HRH1: variants seen among roughly 807,000 people sequenced by gnomAD.
HRH1 encodes histamine receptor H1, also known as histamine H1 receptor.
In HRH1, 6 loss-of-function variants were observed where a neutral mutation model predicts 10.3. That is an observed-to-expected ratio of 0.58 (90% CI 0.32 to 1.15). The LOEUF is 1.15. Ranked by LOEUF, HRH1 falls within the 50% of genes most tolerant of loss-of-function variation. The pLI is 0.05. For missense variants in HRH1, 514 were observed against 615.3 expected (o/e 0.84, Z 1.74); for synonymous variants, 242 against 236.7 (o/e 1.02, Z -0.21).
At chr3:11,179,619 C>CA (rs573336817) in intron 1 of HRH1, among the ~76,000 whole-genome samples, 6,083 of 109,236 alleles carry the variant, frequency 0.056, 226 homozygotes, top group African/African-American at 0.13. Flanking sequence ...GACTCTGTCT[C>CA]AAAAAAAAAA....
intron 1 of HRH1, among the ~76,000 whole-genome samples, chr3:11,148,732 C>T (rs1412089032): frequency 6.6e-6 from 1 of 151,852 alleles, no homozygotes; most frequent in African/African-American, 2.4e-5. Flanking sequence ...GTGGCTGCAC[C>T]TTGCTACAAG....
chr3:11,184,810 G>C (rs1015236175), intron 1 of HRH1, among the ~76,000 whole-genome samples: 3 of 151,716 alleles, frequency 2.0e-5, no homozygotes, highest in Non-Finnish European at 4.4e-5. Flanking sequence ...CCAGCTATTT[G>C]GGAGGCTGAG....
At chr3:11,218,144 T>A (rs960730214) in intron 1 of HRH1, among the ~76,000 whole-genome samples, 3 of 152,154 alleles carry the variant, frequency 2.0e-5, no homozygotes, top group African/African-American at 4.8e-5. Flanking sequence ...TATGTACATT[T>A]GAGTAAGAAA....
At chr3:11,250,914 G>A (rs1312560775) in intron 1 of HRH1, among the ~76,000 whole-genome samples, 1 of 152,102 alleles carries the variant, frequency 6.6e-6, no homozygotes, top group African/African-American at 2.4e-5. Flanking sequence ...AAATTCCTAC[G>A]CATCCATAAA....
At chr3:11,219,507 T>A (rs1471525659) in intron 1 of HRH1, among the ~76,000 whole-genome samples, 3 of 149,326 alleles carry the variant, frequency 2.0e-5, no homozygotes, top group Non-Finnish European at 4.5e-5. Context: ...AGGTCAGGAG[T>A]TCAAAACCAG....
chr3:11,260,153 CA>C lies in HRH1; in HGVS notation c.1119del (p.Gly374AlafsTer3), dbSNP rs1559289575. ...ATACCACCACAGAGACAGCACCAGGCAAAGGCAAATTGAGGAGTGGGTCTAA... is the reference window on the plus strand; with the variant it reads ...ATACCACCACAGAGACAGCACCAGGCAAGGCAAATTGAGGAGTGGGTCTAA... ...SDTTTETAPGKGKLRSGSNTG... is the reference protein window; with the variant it reads ...SDTTTETAPGXGKLRSGSNTG... On this transcript the variant is annotated frameshift_variant, in exon 2 of 2. Coordinates refer to ENST00000431010, the MANE Select transcript of HRH1 (RefSeq NM_001098212.2). LOFTEE classifies it high-confidence loss of function. 1 of 1,613,926 alleles carries C rather than the reference CA, an allele frequency of 6.2e-7. No homozygotes were observed. The highest frequency in any genetic ancestry group is 8.5e-7 in the Non-Finnish European group (1 of 1,180,010).
chr3:11,207,399 CT>C (rs1370024545), intron 1 of HRH1, among the ~76,000 whole-genome samples: 30 of 151,794 alleles, frequency 2.0e-4, no homozygotes, highest in African/African-American at 7.0e-4. Flanking sequence ...CCCGTCTCTA[CT>C]TAAAAAAAAA....
chr3:11,156,122 T>C (rs1936784924), intron 1 of HRH1, among the ~76,000 whole-genome samples: 1 of 152,218 alleles, frequency 6.6e-6, no homozygotes, highest in Non-Finnish European at 1.5e-5. Context: ...GGTCCACTGC[T>C]CACAGGAATC....
chr3:11,173,657 A>T (rs933176473), intron 1 of HRH1, among the ~76,000 whole-genome samples: 11 of 152,166 alleles, frequency 7.2e-5, no homozygotes, highest in African/African-American at 2.7e-4. Context: ...TTACTCTTAA[A>T]GGCTCTGAGA....
At chr3:11,156,316 G>A (rs1483740149) in intron 1 of HRH1, among the ~76,000 whole-genome samples, 1 of 152,150 alleles carries the variant, frequency 6.6e-6, no homozygotes, top group Non-Finnish European at 1.5e-5. Flanking sequence ...GGTGGAGGCC[G>A]GAGCAGCCTG....
intron 1 of HRH1, among the ~76,000 whole-genome samples, chr3:11,208,115 T>C (rs1575012981): frequency 6.6e-6 from 1 of 152,060 alleles, no homozygotes; most frequent in African/African-American, 2.4e-5. Context: ...TCCTCAACAC[T>C]TTTCTTTAAA....
rs148459768 is a variant in HRH1, at chr3:11,137,869, C to G, written c.-36+470C>G. Among the ~76,000 whole-genome samples the G allele has an allele frequency of 2.1e-3, 316 of 152,052 alleles. 1 individual carries two copies. Among genetic ancestry groups the G allele is most frequent in the African/African-American group, 7.1e-3 (296 of 41,450 alleles). ...TTCTTTTGTTATGGCGGGAGAGTATCTGGTGCTCTGGCTGAGGAACTAAGG... is the reference window on the plus strand; with the variant it reads ...TTCTTTTGTTATGGCGGGAGAGTATGTGGTGCTCTGGCTGAGGAACTAAGG... On this transcript the variant is annotated intron_variant, in intron 1 of 1. Coordinates refer to the HRH1 transcript ENST00000438284.
intron 1 of HRH1, among the ~76,000 whole-genome samples, chr3:11,254,911 C>T (rs771931385): frequency 1.4e-4 from 21 of 152,184 alleles, no homozygotes; most frequent in Non-Finnish European, 1.8e-4. Flanking sequence ...GTGTCCTTTC[C>T]GCATTGGCTG....
upstream of HRH1, among the ~76,000 whole-genome samples, chr3:11,151,646 C>CA (rs907331125): frequency 8.5e-5 from 13 of 152,068 alleles, no homozygotes; most frequent in African/African-American, 2.9e-4. Context: ...TACAGGCGCA[C>CA]ACTGCCATGC....
chr3:11,140,142 G>C (rs188536727), intron 1 of HRH1, among the ~76,000 whole-genome samples: 14 of 152,136 alleles, frequency 9.2e-5, no homozygotes, highest in Admixed American at 9.2e-4. Flanking sequence ...AACGACCCGC[G>C]CAGCTGTTCT....
chr3:11,170,927 G>A (rs981652841), intron 1 of HRH1, among the ~76,000 whole-genome samples: 1 of 152,100 alleles, frequency 6.6e-6, no homozygotes, highest in Non-Finnish European at 1.5e-5. Context: ...TCAAGGTTAA[G>A]GGCAGGGTTG....
Position 11,144,426 on chromosome 3 carries a change from T to TACCTATAG in HRH1, c.-36+7029_-36+7030insCTATAGAC, listed in dbSNP as rs1559249706. On this transcript the variant is annotated intron_variant, in intron 1 of 1. Transcript: ENST00000438284. ...ATAGACATACATCTATAGGTATATATACATATAGACATATAGACATACGTC... is the reference window on the plus strand; with the variant it reads ...ATAGACATACATCTATAGGTATATATACCTATAGACATATAGACATATAGACATACGTC... Among the ~76,000 whole-genome samples the TACCTATAG allele has an allele frequency of 1.0e-3, 157 of 150,018 alleles. 11 individuals carry two copies. The highest frequency in any genetic ancestry group is 2.5e-3 in the African/African-American group (103 of 41,104).
At chr3:11,145,353 G>GC (rs1936414455) in intron 1 of HRH1, among the ~76,000 whole-genome samples, 2 of 152,248 alleles carry the variant, frequency 1.3e-5, no homozygotes, top group South Asian at 4.1e-4. Context: ...AGCCTGGAAT[G>GC]CCCTTAGCCT....
chr3:11,149,616 T>C (rs1157638882), upstream of HRH1, among the ~76,000 whole-genome samples: 1 of 152,146 alleles, frequency 6.6e-6, no homozygotes, highest in Non-Finnish European at 1.5e-5. Context: ...AATTTGCCAA[T>C]TCATAAAGAG....
Sources: gnomAD v4.1 joint callset for allele counts (sites outside exome capture counted in the v4.1 genomes callset) on GRCh38, gnomAD v4.1.1 for gene constraint, MANE v1.5 for transcripts, NCBI Gene and HGNC (gene_info 2026-07-23, HGNC 2026-07-21) for gene names.